RHBDF2: variants seen among roughly 807,000 people sequenced by gnomAD.
The protein encoded by RHBDF2 is inactive rhomboid protein 2.
In RHBDF2, 38 loss-of-function variants were observed where a neutral mutation model predicts 95.2. The observed-to-expected ratio is 0.40, with a 90% CI of 0.31 to 0.52. RHBDF2 has a LOEUF of 0.52. Ranked by LOEUF, RHBDF2 falls within the 20% of genes least tolerant of loss-of-function variation. RHBDF2 has a pLI of 0.56. For synonymous variants in RHBDF2, 442 were observed against 462.0 expected (o/e 0.96, Z 0.55); for missense variants, 863 against 1,137.7 (o/e 0.76, Z 3.47).
intron 18 of RHBDF2, chr17:76,472,405 C>T (rs1329356864): frequency 1.8e-6 from 1 of 558,794 alleles, no homozygotes; most frequent in Non-Finnish European, 3.2e-6. Flanking sequence ...AGGCCATTTC[C>T]TACCGCTCGA....
chr17:76,498,880 CTGTGTG>C (rs376312324), intron 1 of RHBDF2, among the ~76,000 whole-genome samples: 4 of 133,600 alleles, frequency 3.0e-5, no homozygotes, highest in African/African-American at 1.1e-4. Flanking sequence ...TTGTGTGTGT[CTGTGTG>C]TGTGTGTGGT....
intron 1 of RHBDF2, among the ~76,000 whole-genome samples, chr17:76,499,577 G>T (rs1023186033): frequency 1.8e-4 from 28 of 152,136 alleles, no homozygotes; most frequent in African/African-American, 6.8e-4. Flanking sequence ...CTAACCCAGG[G>T]TGCCCTCTTT....
intron 7 of RHBDF2, 97 bp downstream of exon 7, chr17:76,477,559 TC>T: frequency 7.4e-7 from 1 of 1,348,548 alleles, no homozygotes. Context: ...GGCCTCTGGG[TC>T]CCTCAGGGGT....
chr17:76,476,526 T>G, intron 9 of RHBDF2: 129 of 322,194 alleles, frequency 4.0e-4, no homozygotes, highest in Middle Eastern at 9.2e-4. Context: ...GGGGGTTCCA[T>G]TTTAGGGCCT....
intron 1 of RHBDF2, among the ~76,000 whole-genome samples, chr17:76,491,508 TGGGCA>T (rs1375579935): frequency 6.6e-6 from 1 of 152,082 alleles, no homozygotes; most frequent in African/African-American, 2.4e-5. Flanking sequence ...CATGTCTTCC[TGGGCA>T]GGAGCCTGGC....
chr17:76,473,211 A>G (rs372772912), intron 16 of RHBDF2, 41 bp downstream of exon 16: 27 of 1,599,812 alleles, frequency 1.7e-5, no homozygotes, highest in Admixed American at 5.1e-5. Flanking sequence ...TGCCATGCCC[A>G]GCGTCCTCTC....
chr17:76,473,608 G>T (rs374276167), intron 15 of RHBDF2, 40 bp downstream of exon 15: 52 of 1,524,950 alleles, frequency 3.4e-5, no homozygotes, highest in African/African-American at 2.7e-4. Context: ...CAGCTCGGGG[G>T]GGCAGTGGGA....
chr17:76,486,077 TACACACACACACAC>T lies in RHBDF2; in HGVS notation c.-22+1621_-22+1634del, dbSNP rs57942849. Among the ~76,000 whole-genome samples, 447 of 144,882 alleles carry T rather than the reference TACACACACACACAC, an allele frequency of 3.1e-3. 2 individuals are homozygous for T. The highest frequency in any genetic ancestry group is 0.017 in the Middle Eastern group (5 of 292). ...AATTCTGTGAATATGTATATATATG[TACACACACACACAC>T]ACACACACACACACACACACACACA... On this transcript the variant is annotated intron_variant, in intron 2 of 18. Coordinates refer to ENST00000675367, the MANE Select transcript of RHBDF2 (RefSeq NM_001005498.4).
intron 7 of RHBDF2, 118 bp downstream of exon 7, chr17:76,477,539 C>T (rs1567876645): frequency 8.0e-7 from 1 of 1,245,434 alleles, no homozygotes; most frequent in Non-Finnish European, 1.1e-6. Context: ...CATGCCACAT[C>T]CCAGCAGTGG....
At chr17:76,477,924 AT>A (rs1227872243) in intron 6 of RHBDF2, 139 bp from the exon 7 acceptor site, 2 of 1,346,980 alleles carry the variant, frequency 1.5e-6, no homozygotes, top group East Asian at 5.0e-5. Context: ...AAGCGTGGAG[AT>A]TCTGCAAGCT....
intron 1 of RHBDF2, 97 bp downstream of exon 1, chr17:76,501,256 A>T (rs2144517611): frequency 6.6e-6 from 1 of 152,130 alleles, no homozygotes; most frequent in East Asian, 1.9e-4. Flanking sequence ...GCCGCGCACC[A>T]CCGCTCCAGG....
intron 1 of RHBDF2, among the ~76,000 whole-genome samples, chr17:76,500,103 C>T (rs780157948): frequency 1.5e-4 from 23 of 152,178 alleles, no homozygotes; most frequent in Non-Finnish European, 2.4e-4. Flanking sequence ...GAGGTAGTTT[C>T]CCCAGTGAGG....
chr17:76,472,464 T>G, intron 18 of RHBDF2: 1 of 654,506 alleles, frequency 1.5e-6, no homozygotes, highest in Non-Finnish European at 2.7e-6. Context: ...GTTAGGAAGA[T>G]AAATGAGGCG....
chr17:76,486,520 C>G (rs1001241723), intron 2 of RHBDF2, among the ~76,000 whole-genome samples: 9 of 151,990 alleles, frequency 5.9e-5, no homozygotes, highest in Non-Finnish European at 1.2e-4. Flanking sequence ...CAAGACCAGC[C>G]TGAGCAACAT....
At chr17:76,482,002 C>CAA (rs1490339576) in intron 2 of RHBDF2, 9 of 40,222 alleles carry the variant, frequency 2.2e-4, no homozygotes, top group African/African-American at 3.6e-4. Context: ...CACACACACA[C>CAA]AAAACCAAAA....
At position 76,471,900 on chromosome 17, in the gene RHBDF2, G is replaced by C. The variant is rs753789924; in HGVS notation, c.2217C>G (p.Ile739Met). The change falls in exon 19 of 19, where the codon ATC becomes ATG. Residue 739 changes from isoleucine (I) to methionine (M), a missense_variant. By Grantham distance (10) the Ile-to-Met change is conservative. This residue lies in a region of RHBDF2 where 252 missense variants were observed against 412.2 expected (regional missense o/e 0.61). Coordinates refer to ENST00000675367, the MANE Select transcript of RHBDF2 (RefSeq NM_001005498.4). ...FLFICGLLPWIDNIAHIFGFL... is the reference protein window; with the variant it reads ...FLFICGLLPWMDNIAHIFGFL... ...AGCCGAAGATGTGGGCGATGTTGTC[G>C]ATCCAGGGCAGGAGGCCACAGATGA... is the stretch of plus-strand genomic sequence containing the variant. 1 of 1,579,294 alleles carries C rather than the reference G, an allele frequency of 6.3e-7. No homozygotes were observed. Among genetic ancestry groups the C allele is most frequent in the Non-Finnish European group, 8.6e-7 (1 of 1,162,406 alleles).
intron 2 of RHBDF2, among the ~76,000 whole-genome samples, chr17:76,483,893 G>A (rs1315108171): frequency 6.6e-6 from 1 of 152,114 alleles, no homozygotes; most frequent in Non-Finnish European, 1.5e-5. Context: ...GACTCCACCA[G>A]AATTAACACC....
rs78166934 is a variant in RHBDF2 at position 76,485,822 on chromosome 17, C to T, written c.-22+1890G>A. 8.7e-3 allele frequency among the ~76,000 whole-genome samples: 1,318 copies of T among 152,218 alleles called. 16 individuals are homozygous for T. Among genetic ancestry groups the T allele is most frequent in the African/African-American group, 0.029 (1,218 of 41,526 alleles). On this transcript the variant is annotated intron_variant, in intron 2 of 18. Coordinates refer to ENST00000675367, the MANE Select transcript of RHBDF2 (RefSeq NM_001005498.4). Reference sequence around the variant, plus strand: ...AGTCCTAACAAAGCTACAACGTGGACGAGCTTTGAGAACATTGTGTCCAGG... The same window carrying T: ...AGTCCTAACAAAGCTACAACGTGGATGAGCTTTGAGAACATTGTGTCCAGG...
At position 76,478,862 on chromosome 17, in the gene RHBDF2, G is replaced by C; in HGVS notation, c.616C>G (p.Arg206Gly). The part of the protein sequence containing the change: ...VRSGYSHLPR[R>G]KRMSVAHMSL... ...ATGTGGGCCACAGACATTCTCTTGC[G>C]GCGTGGCAGGTGGGAGTAGCCAGAA... is the stretch of plus-strand genomic sequence containing the variant. Residue 206 changes from arginine to glycine, a missense_variant, in exon 6 of 19, where the codon CGC becomes GGC. By Grantham distance (125) the Arg-to-Gly change is moderately radical. Coordinates refer to ENST00000675367, the MANE Select transcript of RHBDF2 (RefSeq NM_001005498.4). 1 of 1,613,676 alleles carries C rather than the reference G, an allele frequency of 6.2e-7. No homozygotes were observed.
Sources: allele counts gnomAD v4.1 joint callset (sites outside exome capture counted in the v4.1 genomes callset), GRCh38; gene constraint gnomAD v4.1.1; regional missense constraint gnomAD v4.1.1; transcripts MANE v1.5; gene names NCBI Gene and HGNC (gene_info 2026-07-23, HGNC 2026-07-21).